CADPS: variants seen among roughly 807,000 people sequenced by gnomAD.
CADPS encodes the protein calcium dependent secretion activator, also known as calcium-dependent secretion activator 1.
In CADPS, 57 loss-of-function variants were observed where a neutral mutation model predicts 167.3. The observed-to-expected ratio is 0.34, with a 90% CI of 0.28 to 0.42. The LOEUF (loss-of-function observed/expected upper bound fraction) is 0.42. CADPS is among the 20% of genes least tolerant of loss of function. CADPS has a pLI of 1.00. For synonymous variants in CADPS, 676 were observed against 635.3 expected (o/e 1.06, Z -0.96); for missense variants, 1,414 against 1,738.1 (o/e 0.81, Z 3.32).
intron 5 of CADPS, among the ~76,000 whole-genome samples, chr3:62,649,838 C>T (rs1180570532): frequency 2.0e-5 from 3 of 151,994 alleles, no homozygotes; most frequent in East Asian, 3.9e-4. Flanking sequence ...AGACATGAGC[C>T]GCCATGCCAA....
chr3:62,768,058 C>T (rs557128578), intron 1 of CADPS, among the ~76,000 whole-genome samples: 10 of 152,264 alleles, frequency 6.6e-5, no homozygotes, highest in African/African-American at 2.2e-4. Flanking sequence ...ATGGAATAAA[C>T]TCACTTCTAA....
intron 13 of CADPS, among the ~76,000 whole-genome samples, chr3:62,520,415 AT>A (rs1160127016): frequency 1.3e-5 from 2 of 152,200 alleles, no homozygotes; most frequent in African/African-American, 4.8e-5. Flanking sequence ...CCCATTTGTA[AT>A]TATTAAAAGT....
chr3:62,585,076 A>G (rs1359409570), intron 8 of CADPS, 109 bp downstream of exon 8: 6 of 1,022,070 alleles, frequency 5.9e-6, no homozygotes, highest in African/African-American at 3.2e-5. Context: ...TGAATTCTTT[A>G]TATTTCCTTC....
chr3:62,417,555 G>T (rs902493782), intron 28 of CADPS, among the ~76,000 whole-genome samples: 11 of 151,962 alleles, frequency 7.2e-5, no homozygotes, highest in Admixed American at 2.0e-4. Context: ...AAAGTGTTGG[G>T]ATTAAAGGCG....
intron 3 of CADPS, among the ~76,000 whole-genome samples, chr3:62,677,580 T>C (rs1463985387): frequency 6.6e-6 from 1 of 152,078 alleles, no homozygotes; most frequent in Non-Finnish European, 1.5e-5. Flanking sequence ...AGACAGCCCC[T>C]GCAACAAGGA....
At chr3:62,450,839 G>A (rs1415926839) in intron 26 of CADPS, among the ~76,000 whole-genome samples, 2 of 152,054 alleles carry the variant, frequency 1.3e-5, no homozygotes, top group African/African-American at 4.8e-5. Flanking sequence ...ACCTTTTGAG[G>A]GGGATCCTAT....
In CADPS at chr3:62,481,756, G is replaced by A. The variant is rs774966536; in HGVS notation, c.3140C>T (p.Ala1047Val). 6.8e-6 allele frequency: 11 copies of A among 1,608,886 alleles called. No homozygotes were observed. Among genetic ancestry groups the A allele is most frequent in the Non-Finnish European group, 8.5e-6 (10 of 1,178,470 alleles). Residue 1047 changes from alanine (A) to valine (V), a missense_variant, in exon 22 of 30, where the codon GCA becomes GTA. Physicochemically the swap from Ala to Val is moderately conservative, Grantham distance 64. This residue lies in a region of CADPS where 529 missense variants were observed against 629.6 expected (regional missense o/e 0.84). Coordinates refer to ENST00000383710, the MANE Select transcript of CADPS (RefSeq NM_003716.4). ...LGIPQMPTFSAPSWMAAIYDA... is the reference protein window; with the variant it reads ...LGIPQMPTFSVPSWMAAIYDA... Reference sequence around the variant, plus strand: ...ATATATAGCAGCCATCCATGACGGTGCCGAAAAAGTAGGCATTTGTGGGAT... The same window carrying A: ...ATATATAGCAGCCATCCATGACGGTACCGAAAAAGTAGGCATTTGTGGGAT...
rs1387531420 is a variant in CADPS at position 62,512,762 on chromosome 3, T to C, written c.2588A>G (p.Gln863Arg). 6 of 1,604,866 alleles carry C rather than the reference T, an allele frequency of 3.7e-6. No homozygotes were observed. In the African/African-American group the frequency reaches 8.0e-5, roughly 21 times the overall value. Residue 863 changes from glutamine to arginine, a missense_variant, in exon 17 of 30, where the codon CAA (glutamine) becomes CGA (arginine). Transcript: ENST00000383710. The stretch of plus-strand genomic sequence containing the variant: ...TACAATTGGTTCACCTGCATCCTTT[T>C]GATTCTCTATTTGAAAGAGAGAGCA... ...LSEYAKIEEN[Q>R]KDAENVGRLI...
At position 62,514,275 on chromosome 3, in the gene CADPS, A is replaced by G. The variant is rs1406266827; in HGVS notation, c.2582-1507T>C. 6.6e-6 allele frequency among the ~76,000 whole-genome samples: 1 copy of G among 152,098 alleles called. No individual in the cohort carries two copies. Among genetic ancestry groups the G allele is most frequent in the Non-Finnish European group, 1.5e-5 (1 of 67,976 alleles). ...GCCTATGGTGGACTATGTTCATGAA[A>G]GAAAACCTGATACATGCAGCCAGAG... On this transcript the variant is annotated intron_variant, in intron 16 of 29. Coordinates refer to ENST00000383710, the MANE Select transcript of CADPS (RefSeq NM_003716.4). This position sits in a 1 kb window ranked among gnomAD's most constrained non-coding sequence, Gnocchi z 4.2.
At chr3:62,474,397 A>G (rs2061005947) in intron 23 of CADPS, 77 bp from the exon 24 acceptor site, 1 of 1,371,172 alleles carries the variant, frequency 7.3e-7, no homozygotes, top group Non-Finnish European at 1.0e-6. Context: ...CTGAGAGGTC[A>G]GTGAAAAAGA....
At chr3:62,734,473 C>T (rs905800188) in intron 3 of CADPS, among the ~76,000 whole-genome samples, 1 of 152,130 alleles carries the variant, frequency 6.6e-6, no homozygotes, top group Admixed American at 6.5e-5. Context: ...CCTCCTTTTC[C>T]CTCTGAAGTA....
intron 3 of CADPS, among the ~76,000 whole-genome samples, chr3:62,681,884 G>T (rs895583371): frequency 1.3e-5 from 2 of 152,028 alleles, no homozygotes; most frequent in African/African-American, 4.8e-5. Flanking sequence ...AAGGGTGCTG[G>T]GTGTGGATGA....
intron 1 of CADPS, among the ~76,000 whole-genome samples, chr3:62,771,807 G>A (rs2088852701): frequency 6.6e-6 from 1 of 152,208 alleles, no homozygotes; most frequent in African/African-American, 2.4e-5. Flanking sequence ...ACCAAGGCCT[G>A]AAAATTCCCA....
chr3:62,758,688 A>G (rs977746421), intron 2 of CADPS, among the ~76,000 whole-genome samples: 1 of 152,236 alleles, frequency 6.6e-6, no homozygotes, highest in African/African-American at 2.4e-5. Context: ...ATCTGGGCAC[A>G]TCCATAAATC....
rs766993410 is a variant in CADPS at position 62,753,784 on chromosome 3, A to G, written c.556-11T>C. 5 of 1,606,098 alleles carry G rather than the reference A, an allele frequency of 3.1e-6. No individual in the cohort carries two copies. Among genetic ancestry groups the G allele is most frequent in the East Asian group, 2.2e-5 (1 of 44,758 alleles). On this transcript the variant is annotated splice_polypyrimidine_tract_variant and intron_variant, in intron 2 of 29. Coordinates refer to ENST00000383710, the MANE Select transcript of CADPS (RefSeq NM_003716.4). This position sits in a 1 kb window ranked among gnomAD's most constrained non-coding sequence, Gnocchi z 4.6. ...GCTCTTCAGGAACACCTGAGCAAGAACAAGGCCAGGAAAGACAGTAGGAGA... is the reference window on the plus strand; with the variant it reads ...GCTCTTCAGGAACACCTGAGCAAGAGCAAGGCCAGGAAAGACAGTAGGAGA...
rs1707039336 is a variant in CADPS, at chr3:62,403,178, T to C, written c.3785A>G (p.Tyr1262Cys). The C allele has an allele frequency of 1.9e-6, 3 of 1,611,880 alleles. No homozygotes were observed. Among genetic ancestry groups the C allele is most frequent in the Non-Finnish European group, 2.5e-6 (3 of 1,178,310 alleles). The stretch of plus-strand genomic sequence containing the variant: ...GCAGATCACGTTCATGGAGCTGTTG[T>C]ACCATTGCTGAAAAAAGAGACAAAA... Reference protein sequence around the residue: ...MYIERLFDQWYNSSMNVICTW... With the variant: ...MYIERLFDQWCNSSMNVICTW... The change falls in exon 29 of 30, where the codon TAC becomes TGC. Residue 1262 changes from tyrosine (Y) to cysteine (C), a missense_variant. Physicochemically the swap from Tyr to Cys is radical, Grantham distance 194. Around this residue, in one of 6 missense-constraint regions of CADPS, gnomAD observed 185 missense variants for 251.5 expected, o/e 0.74. Transcript: ENST00000383710.
intron 6 of CADPS, among the ~76,000 whole-genome samples, chr3:62,636,573 G>A (rs2066351951): frequency 6.6e-6 from 1 of 152,214 alleles, no homozygotes; most frequent in South Asian, 2.1e-4. Context: ...CTCCCCGAGG[G>A]CTCACATCCA....
intron 1 of CADPS, among the ~76,000 whole-genome samples, chr3:62,774,713 A>G (rs1576228539): frequency 6.6e-6 from 1 of 152,240 alleles, no homozygotes; most frequent in Non-Finnish European, 1.5e-5. Context: ...AGATGAGTAG[A>G]GGACAGTTAG....
At chr3:62,525,081 T>G (rs2071723954) in intron 13 of CADPS, among the ~76,000 whole-genome samples, 1 of 152,172 alleles carries the variant, frequency 6.6e-6, no homozygotes, top group Non-Finnish European at 1.5e-5. Flanking sequence ...GTTAATTCAA[T>G]GACTATGGGA....
Sources: allele counts gnomAD v4.1 joint callset (sites outside exome capture counted in the v4.1 genomes callset), GRCh38; gene constraint gnomAD v4.1.1; regional missense constraint gnomAD v4.1.1; non-coding constraint Gnocchi (gnomAD v3.1); transcripts MANE v1.5; gene names NCBI Gene and HGNC (gene_info 2026-07-23, HGNC 2026-07-21).